Variants in FBXL18 observed in about 807,000 individuals in gnomAD.
The protein encoded by FBXL18 is F-box/LRR-repeat protein 18.
FBXL18 carries 36 observed loss-of-function variants against 46.0 expected under a neutral mutation model. That is an observed-to-expected ratio of 0.78 (90% CI 0.60 to 1.03). The LOEUF (loss-of-function observed/expected upper bound fraction) is 1.03. FBXL18 is among the 50% of genes least tolerant of loss of function. The pLI is 0.00. For missense variants in FBXL18, 977 were observed against 1,004.1 expected (o/e 0.97, Z 0.36); for synonymous variants, 557 against 465.3 (o/e 1.20, Z -2.54).
rs191906741 is a variant in FBXL18, at chr7:5,467,369, A to C, written c.2001-19526T>G. ...CCGTCTTAAAAAATAATAATAATAAATAATAAATAATAAATAAAAATAAAA... is the reference window on the plus strand; with the variant it reads ...CCGTCTTAAAAAATAATAATAATAACTAATAAATAATAAATAAAAATAAAA... On this transcript the variant is annotated intron_variant and NMD_transcript_variant, in intron 4 of 6. Coordinates refer to the FBXL18 transcript ENST00000415009. 6.9e-3 allele frequency among the ~76,000 whole-genome samples: 1,039 copies of C among 150,318 alleles called. 11 individuals are homozygous for C. Among genetic ancestry groups the C allele is most frequent in the African/African-American group, 0.025 (1,009 of 41,128 alleles).
At chr7:5,467,293 G>A (rs1021875743) in intron 4 of FBXL18, among the ~76,000 whole-genome samples, 3 of 152,144 alleles carry the variant, frequency 2.0e-5, no homozygotes, top group Admixed American at 6.6e-5. Flanking sequence ...GGAGCTTGCA[G>A]TGAGCCGAGA....
At chr7:5,463,728 A>ATTTATTTTTT (rs1562672288) in intron 4 of FBXL18, among the ~76,000 whole-genome samples, 19 of 53,008 alleles carry the variant, frequency 3.6e-4, no homozygotes, top group Non-Finnish European at 4.3e-4. Context: ...TTATTTATTT[A>ATTTATTTTTT]TTTTTTTTTT....
At chr7:5,484,932 C>T (rs1191976019) in intron 4 of FBXL18, among the ~76,000 whole-genome samples, 1 of 152,074 alleles carries the variant, frequency 6.6e-6, no homozygotes, top group Admixed American at 6.6e-5. Context: ...AGCCACCATA[C>T]CCGGCCATTA....
intron 4 of FBXL18, among the ~76,000 whole-genome samples, chr7:5,468,016 T>C (rs1783367856): frequency 6.8e-6 from 1 of 148,046 alleles, no homozygotes; most frequent in African/African-American, 2.5e-5. Flanking sequence ...GGAATCTCGC[T>C]CTGTCGCCCA....
At chr7:5,456,702 G>A (rs1783180129) in intron 4 of FBXL18, among the ~76,000 whole-genome samples, 1 of 152,122 alleles carries the variant, frequency 6.6e-6, no homozygotes, top group African/African-American at 2.4e-5. Context: ...ACAGAGAAGG[G>A]AGGTTGGGAG....
chr7:5,504,915 C>CA lies in FBXL18; in HGVS notation c.237+496dup, dbSNP rs59985346. 4.3e-3 allele frequency among the ~76,000 whole-genome samples: 129 copies of CA among 30,054 alleles called. 7 individuals are homozygous for CA. Among genetic ancestry groups the CA allele is most frequent in the South Asian group, 6.3e-3 (3 of 480 alleles). The allele number at this position is 30,054 out of a possible 152,430, so 19.7% of individuals were successfully genotyped here. ...TGGGCAAAAGAACGAGACTCCATCT[C>CA]AAAAAAAAAAAAAAAAAAAAAAAAA... On this transcript the variant is annotated intron_variant, in intron 2 of 4. Transcript: ENST00000382368.
chr7:5,463,809 C>T (rs1474539519), intron 4 of FBXL18, among the ~76,000 whole-genome samples: 5 of 141,968 alleles, frequency 3.5e-5, no homozygotes, highest in Non-Finnish European at 6.0e-5. Flanking sequence ...AGTGCAGTCT[C>T]GGCTCACTAC....
intron 4 of FBXL18, among the ~76,000 whole-genome samples, chr7:5,463,395 G>A (rs181536917): frequency 4.7e-4 from 72 of 152,050 alleles, no homozygotes; most frequent in African/African-American, 1.7e-3. Context: ...CAAGGCAGGA[G>A]GATCACTTGA....
intron 4 of FBXL18, among the ~76,000 whole-genome samples, chr7:5,461,441 C>A (rs762049625): frequency 1.3e-5 from 2 of 152,112 alleles, no homozygotes; most frequent in Admixed American, 1.3e-4. Flanking sequence ...TGGCAAGAAC[C>A]ACCTTTACTT....
intron 2 of FBXL18, 131 bp downstream of exon 2, chr7:5,505,281 C>T (rs374180079): frequency 2.7e-4 from 216 of 801,448 alleles, no homozygotes; most frequent in Admixed American, 2.0e-3. Context: ...ATCCTGCAGA[C>T]GGCGCCAGTC....
chr7:5,490,385 T>G (rs910791235), intron 4 of FBXL18, among the ~76,000 whole-genome samples: 1 of 152,140 alleles, frequency 6.6e-6, no homozygotes, highest in Non-Finnish European at 1.5e-5. Flanking sequence ...AGGAATCGCC[T>G]CCTCCTAATT....
intron 4 of FBXL18, among the ~76,000 whole-genome samples, chr7:5,463,729 T>TATATATATATATATATATATATA (rs1562672305): frequency 9.9e-5 from 1 of 10,060 alleles, no homozygotes; most frequent in Non-Finnish European, 2.3e-4. Context: ...TATTTATTTA[T>TATATATATATATATATATATATA]TTTTTTTTTT....
At chr7:5,463,177 T>C (rs1423882058) in intron 4 of FBXL18, among the ~76,000 whole-genome samples, 4 of 150,920 alleles carry the variant, frequency 2.7e-5, no homozygotes, top group Non-Finnish European at 5.9e-5. Context: ...CATGAAGATA[T>C]TGGAACCCTC....
intron 1 of FBXL18, among the ~76,000 whole-genome samples, chr7:5,512,369 C>A (rs1394561166): frequency 6.8e-6 from 1 of 146,390 alleles, no homozygotes; most frequent in African/African-American, 2.5e-5. Context: ...AATCCCAACA[C>A]TTTGGGAAGC....
intron 4 of FBXL18, among the ~76,000 whole-genome samples, chr7:5,470,368 C>T (rs1022100627): frequency 6.6e-6 from 1 of 152,108 alleles, no homozygotes; most frequent in Non-Finnish European, 1.5e-5. Context: ...GCCCCCAAGG[C>T]GGGTACCCAG....
chr7:5,484,909 G>A (rs1394821303), intron 4 of FBXL18, among the ~76,000 whole-genome samples: 1 of 152,020 alleles, frequency 6.6e-6, no homozygotes, highest in Non-Finnish European at 1.5e-5. Flanking sequence ...AAAGTGCTGG[G>A]ATTACAGGTG....
At chr7:5,509,701 C>CAAAAA (rs761762119) in intron 1 of FBXL18, among the ~76,000 whole-genome samples, 79 of 65,480 alleles carry the variant, frequency 1.2e-3, no homozygotes, top group African/African-American at 2.5e-3. Flanking sequence ...GATTCCATCT[C>CAAAAA]AAAAAAAAAA....
At chr7:5,462,231 A>G (rs529864827) in intron 4 of FBXL18, among the ~76,000 whole-genome samples, 29 of 152,330 alleles carry the variant, frequency 1.9e-4, no homozygotes, top group African/African-American at 6.7e-4. Context: ...CTGTCTCCAA[A>G]AAAGATAAAA....
downstream of FBXL18, among the ~76,000 whole-genome samples, chr7:5,473,401 C>G (rs1337972953): frequency 1.3e-5 from 2 of 150,136 alleles, no homozygotes; most frequent in African/African-American, 5.0e-5. Context: ...GGCCGAGCCT[C>G]TTCCCAGAGC....
Sources: allele counts gnomAD v4.1 joint callset (sites outside exome capture counted in the v4.1 genomes callset), GRCh38; gene constraint gnomAD v4.1.1; transcripts MANE v1.5; gene names NCBI Gene and HGNC (gene_info 2026-07-23, HGNC 2026-07-21).